The following CPS1 variants were observed in gnomAD, a reference collection of about 807,000 sequenced individuals.
CPS1 encodes the protein carbamoyl-phosphate synthase [ammonia], mitochondrial.
In CPS1, 109 loss-of-function variants were observed where a neutral mutation model predicts 174.6. The observed-to-expected ratio is 0.62, with a 90% CI of 0.53 to 0.73. The LOEUF is 0.73. Among genes scored for constraint, CPS1 ranks in the 30% least tolerant of loss-of-function variants. CPS1 has a pLI of 0.00. For synonymous variants in CPS1, 637 were observed against 632.0 expected, an observed-to-expected ratio of 1.01 and a Z score of -0.12; for missense variants, 1,689 against 1,821.9, an observed-to-expected ratio of 0.93 and a Z score of 1.33.
chr2:210,600,232 G>A (rs1036323557), intron 14 of CPS1, among the ~76,000 whole-genome samples: 2 of 151,778 alleles, frequency 1.3e-5, no homozygotes, highest in African/African-American at 4.8e-5. Context: ...TTAAATTATA[G>A]AATCTCATTA....
chr2:210,510,290 T>C (rs1430338460), intron 1 of CPS1, among the ~76,000 whole-genome samples: 5 of 152,192 alleles, frequency 3.3e-5, no homozygotes, highest in South Asian at 2.1e-4. Context: ...GGATTCCCTA[T>C]TTAATAAATG....
At chr2:210,562,266 C>T (rs569469857) in intron 1 of CPS1, among the ~76,000 whole-genome samples, 1 of 151,916 alleles carries the variant, frequency 6.6e-6, no homozygotes, top group Non-Finnish European at 1.5e-5. Flanking sequence ...TGATTTTGTC[C>T]CCTTAACATT....
intron 34 of CPS1, among the ~76,000 whole-genome samples, chr2:210,668,647 T>C (rs914491729): frequency 1.3e-5 from 2 of 152,156 alleles, no homozygotes; most frequent in South Asian, 2.1e-4. Flanking sequence ...TTATATGAGG[T>C]TGGATCTCAC....
intron 1 of CPS1, among the ~76,000 whole-genome samples, chr2:210,502,311 G>A (rs1695160107): frequency 1.3e-5 from 2 of 150,776 alleles, no homozygotes; most frequent in Non-Finnish European, 2.9e-5. Flanking sequence ...CCAAGTGGTC[G>A]AGGCACACTG....
chr2:210,529,593 A>C (rs907822910), intron 1 of CPS1, among the ~76,000 whole-genome samples: 1 of 152,020 alleles, frequency 6.6e-6, no homozygotes, highest in Non-Finnish European at 1.5e-5. Flanking sequence ...TTTGAATCTG[A>C]CAAAAAGAAG....
Position 210,588,296 on chromosome 2 carries a change from A to C in CPS1, c.711+149A>C, listed in dbSNP as rs190511329. 1.1e-3 allele frequency: 857 copies of C among 755,800 alleles called. 1 individual carries two copies. The African/African-American group carries it at 0.013, about 12-fold the overall frequency. 46.8% of individuals were successfully genotyped at this position (755,800 alleles called of 1,614,324 possible). A position where few individuals can be genotyped will look rare whatever the true frequency, so the allele number is the denominator to read the frequency against. On this transcript the variant is annotated intron_variant, in intron 7 of 37. Transcript: ENST00000233072. ...TGTTGCTTTTGATTTACAAAATAAC[A>C]CATTTATCCCTGTTCAAATTAAAAA... is the stretch of plus-strand genomic sequence containing the variant.
intron 10 of CPS1, among the ~76,000 whole-genome samples, chr2:210,592,577 C>G (rs1698344558): frequency 6.6e-6 from 1 of 151,888 alleles, no homozygotes; most frequent in Non-Finnish European, 1.5e-5. Context: ...TTACTCTGAA[C>G]AGAACCCAGA....
chr2:210,659,634 T>TAGTA (rs1700849132), intron 31 of CPS1, among the ~76,000 whole-genome samples: 1 of 152,156 alleles, frequency 6.6e-6, no homozygotes, highest in Non-Finnish European at 1.5e-5. Flanking sequence ...TACCTCCTAC[T>TAGTA]CGCAGTCATT....
chr2:210,592,530 G>A (rs1311384200), intron 10 of CPS1, among the ~76,000 whole-genome samples: 2 of 151,904 alleles, frequency 1.3e-5, no homozygotes, highest in Non-Finnish European at 1.5e-5. Context: ...CCTTGGAAAA[G>A]TAATTTCGGA....
chr2:210,499,991 T>C (rs1411703882), intron 1 of CPS1, among the ~76,000 whole-genome samples: 1 of 152,114 alleles, frequency 6.6e-6, no homozygotes, highest in Admixed American at 6.5e-5. Flanking sequence ...ATCCACGGTT[T>C]TTAGGGGAGG....
At chr2:210,638,890 AC>A (rs1404562022) in intron 22 of CPS1, among the ~76,000 whole-genome samples, 1 of 152,098 alleles carries the variant, frequency 6.6e-6, no homozygotes, top group Non-Finnish European at 1.5e-5. Flanking sequence ...CTATAGGACC[AC>A]TTTGCGATGT....
rs778410440 is a variant in CPS1 at position 210,637,764 on chromosome 2, T to C, written c.2750T>C (p.Ile917Thr). The C allele has an allele frequency of 1.2e-6, 2 of 1,613,960 alleles. No homozygotes were observed. Among genetic ancestry groups the C allele is most frequent in the Non-Finnish European group, 1.7e-6 (2 of 1,179,926 alleles). Residue 917 changes from isoleucine to threonine, a missense_variant, in exon 22 of 38, where the codon ATT (isoleucine) becomes ACT (threonine). By Grantham distance (89) the Ile-to-Thr change is moderately conservative. Coordinates refer to ENST00000233072, the MANE Select transcript of CPS1 (RefSeq NM_001875.5). ...AKEIGFSDKQISKCLGLTEAQ... is the reference protein window; with the variant it reads ...AKEIGFSDKQTSKCLGLTEAQ... Reference sequence around the variant, plus strand: ...GAGATTGGGTTCTCAGATAAGCAGATTTCAAAATGCCTTGGGCTCACTGAG... The same window carrying C: ...GAGATTGGGTTCTCAGATAAGCAGACTTCAAAATGCCTTGGGCTCACTGAG...
At chr2:210,499,368 A>G (rs979877979) in intron 1 of CPS1, among the ~76,000 whole-genome samples, 1 of 152,094 alleles carries the variant, frequency 6.6e-6, no homozygotes, top group African/African-American at 2.4e-5. Flanking sequence ...CTCCTCATCC[A>G]GGAGAAACTG....
chr2:210,604,597 C>G (rs1458908592), intron 16 of CPS1, among the ~76,000 whole-genome samples: 2 of 151,900 alleles, frequency 1.3e-5, no homozygotes, highest in Non-Finnish European at 2.9e-5. Context: ...GTTTTATATG[C>G]CATCTTGGCT....
intron 1 of CPS1, among the ~76,000 whole-genome samples, chr2:210,478,530 C>G (rs2105937104): frequency 6.6e-6 from 1 of 151,822 alleles, no homozygotes; most frequent in East Asian, 1.9e-4. Flanking sequence ...GTATATTAAT[C>G]TCCTTTCACT....
At chr2:210,643,036 A>C (rs1200166250) in intron 25 of CPS1, among the ~76,000 whole-genome samples, 1 of 152,244 alleles carries the variant, frequency 6.6e-6, no homozygotes, top group Non-Finnish European at 1.5e-5. Flanking sequence ...ACATACAATA[A>C]ACAGCCTCTT....
chr2:210,639,106 T>C (rs1700127845), intron 22 of CPS1, 44 bp from the exon 23 acceptor site: 3 of 1,512,376 alleles, frequency 2.0e-6, no homozygotes, highest in African/African-American at 2.8e-5. Context: ...GAAAAAATTA[T>C]AATAACATTC....
At chr2:210,648,196 G>T in intron 26 of CPS1, 139 bp downstream of exon 26, 1 of 834,590 alleles carries the variant, frequency 1.2e-6, no homozygotes, top group East Asian at 2.6e-5. Flanking sequence ...TAAAGTTGTT[G>T]TATATCCATG....
intron 1 of CPS1, among the ~76,000 whole-genome samples, chr2:210,550,706 T>C (rs1427299082): frequency 2.0e-5 from 3 of 151,950 alleles, no homozygotes; most frequent in African/African-American, 7.2e-5. Context: ...TGTACATATT[T>C]ATATATCTCT....
Sources: gnomAD v4.1 joint callset for allele counts (sites outside exome capture counted in the v4.1 genomes callset) on GRCh38, gnomAD v4.1.1 for gene constraint, MANE v1.5 for transcripts, NCBI Gene and HGNC (gene_info 2026-07-23, HGNC 2026-07-21) for gene names.